The following RAVER2 variants were observed in gnomAD, a reference collection of about 807,000 sequenced individuals.
RAVER2 encodes the protein ribonucleoprotein PTB-binding 2.
A neutral mutation model predicts 78.1 loss-of-function variants in RAVER2; 46 were observed. The ratio of observed to expected loss-of-function variants is 0.59; its 90% CI spans 0.46 to 0.75. The LOEUF (loss-of-function observed/expected upper bound fraction) is 0.75, where lower values mean the gene tolerates loss of function less well. Ranked by LOEUF, RAVER2 falls within the 30% of genes least tolerant of loss-of-function variation. The pLI is 0.00. For synonymous variants in RAVER2, 311 were observed against 313.3 expected (o/e 0.99, Z 0.08); for missense variants, 793 against 837.5 (o/e 0.95, Z 0.66).
At chr1:64,751,668 T>C (rs910601745) in intron 1 of RAVER2, among the ~76,000 whole-genome samples, 6 of 152,194 alleles carry the variant, frequency 3.9e-5, no homozygotes, top group Admixed American at 1.3e-4. Context: ...ATAATCATAG[T>C]GCACTGCACT....
exon 9 of RAVER2, chr1:64,807,350 A>G: frequency 6.2e-7 from 1 of 1,614,134 alleles, no homozygotes; most frequent in Non-Finnish European, 8.5e-7. Flanking sequence ...GGAATGGCAG[A>G]AGGAAATTTC....
chr1:64,829,725 A>G (rs763195348), intron 11 of RAVER2, among the ~76,000 whole-genome samples: 20 of 152,230 alleles, frequency 1.3e-4, no homozygotes, highest in Non-Finnish European at 2.4e-4. Context: ...CTACCAGGAA[A>G]AAAATGTCGA....
intron 4 of RAVER2, among the ~76,000 whole-genome samples, chr1:64,788,978 C>T (rs1003754329): frequency 3.3e-5 from 5 of 152,098 alleles, no homozygotes; most frequent in Admixed American, 1.3e-4. Context: ...CAAAGTGTCA[C>T]GATTACAGGT....
intron 11 of RAVER2, among the ~76,000 whole-genome samples, chr1:64,822,635 A>C (rs915844726): frequency 6.6e-6 from 1 of 152,190 alleles, no homozygotes; most frequent in Non-Finnish European, 1.5e-5. Flanking sequence ...GTGGCAGTTC[A>C]TCAAATGTTA....
rs56179197 is a variant in RAVER2 at position 64,824,932 on chromosome 1, CAAAA to C, written c.1930-5883_1930-5880del. Among the ~76,000 whole-genome samples, 130 of 79,388 alleles carry C rather than the reference CAAAA, an allele frequency of 1.6e-3. 1 individual carries two copies. The highest frequency in any genetic ancestry group is 4.0e-3 in the Admixed American group (28 of 7,004). 52.1% of individuals were successfully genotyped at this position (79,388 alleles called of 152,430 possible). Reference sequence around the variant, plus strand: ...GGCAACAGAGCGAGACCCTGTCTCCCAAAAAAAAAAAAAAAAAAAAAAAAAAATT... The same window carrying C: ...GGCAACAGAGCGAGACCCTGTCTCCCAAAAAAAAAAAAAAAAAAAAAAATT... On this transcript the variant is annotated intron_variant, in intron 11 of 11. Transcript: ENST00000294428.
intron 9 of RAVER2, among the ~76,000 whole-genome samples, chr1:64,811,048 T>A (rs942169049): frequency 6.6e-6 from 1 of 152,206 alleles, no homozygotes; most frequent in Non-Finnish European, 1.5e-5. Context: ...ATAACATGTA[T>A]ACAAACCTAT....
intron 3 of RAVER2, among the ~76,000 whole-genome samples, chr1:64,779,451 C>T (rs1460348643): frequency 6.6e-6 from 1 of 151,922 alleles, no homozygotes; most frequent in Non-Finnish European, 1.5e-5. Context: ...CCACAGTAGT[C>T]CCACACTCCT....
intron 2 of RAVER2, among the ~76,000 whole-genome samples, chr1:64,776,491 T>C (rs1488260370): frequency 6.6e-6 from 1 of 152,244 alleles, no homozygotes; most frequent in East Asian, 1.9e-4. Context: ...AGAAGTTTAG[T>C]GAAATGACAG....
At chr1:64,813,142 A>G (rs1404983732) in intron 10 of RAVER2, among the ~76,000 whole-genome samples, 1 of 152,218 alleles carries the variant, frequency 6.6e-6, no homozygotes, top group Non-Finnish European at 1.5e-5. Flanking sequence ...TGTATGAGCT[A>G]CCAATAATTG....
At position 64,781,646 on chromosome 1, in the gene RAVER2, G is replaced by A. The variant is rs1351981448; in HGVS notation, c.978+75G>A. The stretch of plus-strand genomic sequence containing the variant: ...ATACTATTTTAATCTATCCAGTCTA[G>A]CCAAAGTAATTGATTGTCGATTGCA... On this transcript the variant is annotated intron_variant, in intron 4 of 11. Coordinates refer to ENST00000294428, the Ensembl canonical transcript of RAVER2. 3 of 1,357,706 alleles carry A rather than the reference G, an allele frequency of 2.2e-6. No individual in the cohort carries two copies. In the African/African-American group the frequency reaches 4.4e-5, roughly 20 times the overall value. 84.1% of individuals were successfully genotyped at this position (1,357,706 alleles called of 1,614,324 possible).
chr1:64,823,662 C>T (rs1197751106), intron 11 of RAVER2, among the ~76,000 whole-genome samples: 2 of 152,070 alleles, frequency 1.3e-5, no homozygotes, highest in African/African-American at 2.4e-5. Flanking sequence ...CAGTCAAAGA[C>T]AAAACATTTC....
chr1:64,817,390 A>G (rs1234628685), intron 11 of RAVER2, among the ~76,000 whole-genome samples: 1 of 152,220 alleles, frequency 6.6e-6, no homozygotes, highest in Admixed American at 6.5e-5. Context: ...TGACCCAGCC[A>G]TCCCATTACT....
chr1:64,789,757 A>G (rs1434746849), intron 5 of RAVER2, among the ~76,000 whole-genome samples: 6 of 152,230 alleles, frequency 3.9e-5, no homozygotes, highest in Non-Finnish European at 8.8e-5. Flanking sequence ...AATGCTAAAT[A>G]TCAAACCTTC....
intron 6 of RAVER2, among the ~76,000 whole-genome samples, chr1:64,803,837 T>C (rs543747131): frequency 6.6e-6 from 1 of 152,338 alleles, no homozygotes; most frequent in South Asian, 2.1e-4. Context: ...AAGTCTATGT[T>C]ATTATAGAAT....
rs191994669 is a variant in RAVER2 at position 64,825,110 on chromosome 1, C to T, written c.1930-5729C>T. Among the ~76,000 whole-genome samples the T allele has an allele frequency of 1.2e-3, 176 of 152,032 alleles. 1 individual carries two copies. The highest frequency in any genetic ancestry group is 6.4e-3 in the South Asian group (31 of 4,832). On this transcript the variant is annotated intron_variant, in intron 11 of 11. Transcript: ENST00000294428. ...GTTATGTATATATATCAGACAGAGA[C>T]ATTTTATTATATCATTAATGTCACA... is the stretch of plus-strand genomic sequence containing the variant.
At chr1:64,779,518 A>G (rs922498078) in intron 3 of RAVER2, among the ~76,000 whole-genome samples, 2 of 150,182 alleles carry the variant, frequency 1.3e-5, no homozygotes, top group African/African-American at 2.5e-5. Context: ...ACAAGTCCAC[A>G]TTACTATGCC....
At chr1:64,826,637 AAGAT>A (rs1654009893) in intron 11 of RAVER2, among the ~76,000 whole-genome samples, 1 of 152,190 alleles carries the variant, frequency 6.6e-6, no homozygotes, top group South Asian at 2.1e-4. Context: ...CTTTTACTCT[AAGAT>A]AGAAAGCCAC....
At chr1:64,813,693 T>C (rs1653681955) in intron 10 of RAVER2, among the ~76,000 whole-genome samples, 1 of 152,124 alleles carries the variant, frequency 6.6e-6, no homozygotes, top group Admixed American at 6.5e-5. Flanking sequence ...GTAATTTTTT[T>C]TGAGCTGGAA....
At chr1:64,772,267 C>T (rs1470751095) in intron 2 of RAVER2, among the ~76,000 whole-genome samples, 1 of 152,094 alleles carries the variant, frequency 6.6e-6, no homozygotes, top group Non-Finnish European at 1.5e-5. Flanking sequence ...CCTTTCCCTA[C>T]TGTCTGAACT....
Sources: gnomAD v4.1 joint callset for allele counts (sites outside exome capture counted in the v4.1 genomes callset) on GRCh38, gnomAD v4.1.1 for gene constraint, MANE v1.5 for transcripts, NCBI Gene and HGNC (gene_info 2026-07-23, HGNC 2026-07-21) for gene names.